ELP4: variants seen among roughly 807,000 people sequenced by gnomAD.
The protein encoded by ELP4 is elongator complex protein 4.
ELP4 carries 51 observed loss-of-function variants against 48.9 expected under a neutral mutation model. That is an observed-to-expected ratio of 1.04 (90% confidence interval 0.83 to 1.32). The LOEUF is 1.32. ELP4 is among the 40% of genes most tolerant of loss of function. The pLI is 0.00. For synonymous variants in ELP4, 210 were observed against 189.2 expected (o/e 1.11, Z -0.90); for missense variants, 519 against 514.6 (o/e 1.01, Z -0.08).
chr11:31,687,439 A>G (rs1273642505), intron 9 of ELP4, among the ~76,000 whole-genome samples: 1 of 152,228 alleles, frequency 6.6e-6, no homozygotes, highest in African/African-American at 2.4e-5. Context: ...TGAGCAATAA[A>G]TAGAAACAAC....
intron 2 of ELP4, among the ~76,000 whole-genome samples, chr11:31,536,111 A>C (rs1956496874): frequency 6.6e-6 from 1 of 152,222 alleles, no homozygotes; most frequent in South Asian, 2.1e-4. Flanking sequence ...TTTATTGCTG[A>C]GTAGTAATCC....
intron 5 of ELP4, among the ~76,000 whole-genome samples, chr11:31,608,931 G>A (rs1774336522): frequency 6.6e-6 from 1 of 152,102 alleles, no homozygotes; most frequent in African/African-American, 2.4e-5. Context: ...GATGCAGATA[G>A]GGCCAAGGGT....
chr11:31,711,559 T>G (rs1382628228), intron 9 of ELP4, among the ~76,000 whole-genome samples: 1 of 152,204 alleles, frequency 6.6e-6, no homozygotes, highest in Non-Finnish European at 1.5e-5. Flanking sequence ...TTACCTGAAA[T>G]TATTCTGTTA....
At chr11:31,716,096 C>A (rs2134178726) in intron 9 of ELP4, among the ~76,000 whole-genome samples, 1 of 152,242 alleles carries the variant, frequency 6.6e-6, no homozygotes, top group South Asian at 2.1e-4. Context: ...TCACTGCAGC[C>A]TCAAATTCCT....
chr11:31,559,897 A>G (rs561720883), intron 3 of ELP4, among the ~76,000 whole-genome samples: 3 of 126,002 alleles, frequency 2.4e-5, no homozygotes, highest in South Asian at 5.1e-4. Flanking sequence ...CAAGAGCAAA[A>G]CTCCGTCTAA....
chr11:31,550,019 A>C (rs1420232767), intron 3 of ELP4, among the ~76,000 whole-genome samples: 2 of 152,142 alleles, frequency 1.3e-5, no homozygotes, highest in Non-Finnish European at 2.9e-5. Flanking sequence ...TAGCATTGGG[A>C]GATATACCTA....
At chr11:31,668,675 CGTGTGTGTGT>C (rs367795416) in intron 9 of ELP4, among the ~76,000 whole-genome samples, 3 of 121,040 alleles carry the variant, frequency 2.5e-5, no homozygotes, top group African/African-American at 9.3e-5. Flanking sequence ...CCTTTGGTAC[CGTGTGTGTGT>C]GTGTGTGTGT....
At chr11:31,623,495 T>C (rs1283985576) in intron 5 of ELP4, among the ~76,000 whole-genome samples, 2 of 149,116 alleles carry the variant, frequency 1.3e-5, no homozygotes, top group East Asian at 3.9e-4. Context: ...TTTAATCCCA[T>C]ATATTCAAAA....
At chr11:31,763,836 A>G (rs971879187) in intron 9 of ELP4, among the ~76,000 whole-genome samples, 1 of 151,936 alleles carries the variant, frequency 6.6e-6, no homozygotes, top group Non-Finnish European at 1.5e-5. Context: ...TGAGTTTTCA[A>G]TGTCATTTTC....
intron 3 of ELP4, among the ~76,000 whole-genome samples, chr11:31,554,969 G>A (rs1240881273): frequency 6.6e-6 from 1 of 152,016 alleles, no homozygotes; most frequent in Non-Finnish European, 1.5e-5. Flanking sequence ...GTGATCTTTA[G>A]GAAAAATTAA....
chr11:31,780,501 T>G (rs1948347432), intron 9 of ELP4, among the ~76,000 whole-genome samples: 1 of 152,216 alleles, frequency 6.6e-6, no homozygotes, highest in Admixed American at 6.5e-5. Flanking sequence ...TCAAAGGGCA[T>G]GAATATACAA....
rs555395182 is a variant in ELP4, at chr11:31,682,016, C to T, written c.1143+31795C>T. 9.4e-6 allele frequency: 12 copies of T among 1,275,186 alleles called. No homozygotes were observed. In the East Asian group the frequency reaches 4.3e-4, roughly 46 times the overall value. 79.0% of individuals were successfully genotyped at this position (1,275,186 alleles called of 1,614,324 possible). A position where few individuals can be genotyped will look rare whatever the true frequency, so the allele number is the denominator to read the frequency against. On this transcript the variant is annotated intron_variant, in intron 9 of 9. Transcript: ENST00000640961. ...TCAGCCTCCCAAAGTGCTGGAATTA[C>T]AGGCATGAGCTACCGCGCCCGGCCT...
chr11:31,757,563 A>G (rs1947857612), intron 9 of ELP4, among the ~76,000 whole-genome samples: 1 of 152,166 alleles, frequency 6.6e-6, no homozygotes, highest in Non-Finnish European at 1.5e-5. Flanking sequence ...CTTTAAGGAA[A>G]TGACAAGGAG....
At chr11:31,577,246 A>G (rs57709795) in intron 3 of ELP4, among the ~76,000 whole-genome samples, 1,576 of 152,284 alleles carry the variant, frequency 0.01, 40 homozygotes, top group African/African-American at 0.036. Flanking sequence ...AAGAAGTTGA[A>G]TCCCTGTATA....
intron 9 of ELP4, among the ~76,000 whole-genome samples, chr11:31,676,630 C>A (rs768015789): frequency 6.6e-6 from 1 of 152,146 alleles, no homozygotes; most frequent in Non-Finnish European, 1.5e-5. Flanking sequence ...GAAGCTTATA[C>A]TAGTTGAAAT....
At chr11:31,658,344 T>C (rs1191422707) in intron 9 of ELP4, among the ~76,000 whole-genome samples, 1 of 136,400 alleles carries the variant, frequency 7.3e-6, no homozygotes, top group Non-Finnish European at 1.6e-5. Flanking sequence ...TTCTCCCTTA[T>C]ATAACATGAT....
chr11:31,778,429 TG>T, intron 9 of ELP4, among the ~76,000 whole-genome samples: 1 of 152,244 alleles, frequency 6.6e-6, no homozygotes, highest in Non-Finnish European at 1.5e-5. Flanking sequence ...CTGTTGCTAT[TG>T]TTTATATTTG....
At chr11:31,719,302 T>C (rs1228731912) in intron 9 of ELP4, among the ~76,000 whole-genome samples, 4 of 151,468 alleles carry the variant, frequency 2.6e-5, no homozygotes, top group African/African-American at 9.7e-5. Flanking sequence ...TACCTGTAAA[T>C]AGGCATAAAA....
At position 31,603,681 on chromosome 11, in the gene ELP4, T is replaced by C. The variant is rs564056030; in HGVS notation, c.514-87T>C. On this transcript the variant is annotated intron_variant, in intron 4 of 9. Coordinates refer to ENST00000640961, the MANE Select transcript of ELP4 (RefSeq NM_019040.5). ...TCCTTATTAGCTTAAAATTCATAAATATGCCATTGTTTTGCTGGATGTAGG... is the reference window on the plus strand; with the variant it reads ...TCCTTATTAGCTTAAAATTCATAAACATGCCATTGTTTTGCTGGATGTAGG... 81 of 1,382,370 alleles carry C rather than the reference T, an allele frequency of 5.9e-5. No individual in the cohort carries two copies. In the African/African-American group the frequency reaches 1.1e-3, roughly 19 times the overall value. The allele number at this position is 1,382,370 out of a possible 1,614,324, so 85.6% of individuals were successfully genotyped here. A position where few individuals can be genotyped will look rare whatever the true frequency, so the allele number is the denominator to read the frequency against.
Sources: gnomAD v4.1 joint callset for allele counts (sites outside exome capture counted in the v4.1 genomes callset) on GRCh38, gnomAD v4.1.1 for gene constraint, MANE v1.5 for transcripts, NCBI Gene and HGNC (gene_info 2026-07-23, HGNC 2026-07-21) for gene names.